Variants in MPO observed in about 807,000 individuals in gnomAD.
The protein encoded by MPO is myeloperoxidase.
MPO carries 57 observed loss-of-function variants against 69.4 expected under a neutral mutation model. The ratio of observed to expected loss-of-function variants is 0.82; its 90% confidence interval spans 0.66 to 1.02. The LOEUF (loss-of-function observed/expected upper bound fraction) is 1.02. MPO is among the 50% of genes least tolerant of loss of function. The pLI is 0.00. For synonymous variants in MPO, 426 were observed against 417.1 expected (o/e 1.02, Z -0.26); for missense variants, 971 against 1,014.1 (o/e 0.96, Z 0.58).
In MPO at chr17:58,273,664, G is replaced by A. The variant is rs747630094; in HGVS notation, c.1371C>T (p.Ile457=). The change falls in exon 9 of 12, where the codon ATC becomes ATT. Residue 457 remains isoleucine, a synonymous_variant. Transcript: ENST00000225275. ...CCAGGGGCAGGTAGTCCCGGTAAGT[G>A]ATGATCTAAAGACAAGTCATTTGGA... The part of the protein sequence containing the change: ...RKIVGAMVQI[I]TYRDYLPLVL... 2 of 1,614,188 alleles carry A rather than the reference G, an allele frequency of 1.2e-6. No individual in the cohort carries two copies. The highest frequency in any genetic ancestry group is 1.7e-6 in the Non-Finnish European group (2 of 1,180,032).
intron 9 of MPO, 105 bp from the exon 10 acceptor site, chr17:58,273,023 G>C (rs1243267083): frequency 1.4e-6 from 2 of 1,429,514 alleles, no homozygotes; most frequent in Non-Finnish European, 1.9e-6. Flanking sequence ...TTCGAGAAGA[G>C]GGCTGGGCAC....
Position 58,279,567 on chromosome 17 carries a change from C to A in MPO, c.504G>T (p.Pro168=). Residue 168 remains proline (P), a synonymous_variant, in exon 4 of 12, where the codon CCG becomes CCT. Transcript: ENST00000225275. ...CAYQDVGVTC[P]EQDKYRTITG... ...TGATGGTGCGGTATTTGTCCTGCTC[C>A]GGGCAAGTCACCCCCACGTCCTGGT... The A allele has an allele frequency of 6.2e-7, 1 of 1,614,166 alleles. No homozygotes were observed. The highest frequency in any genetic ancestry group is 8.5e-7 in the Non-Finnish European group (1 of 1,180,048).
At chr17:58,278,665 TG>T (rs1389963407) in intron 6 of MPO, among the ~76,000 whole-genome samples, 1 of 152,006 alleles carries the variant, frequency 6.6e-6, no homozygotes, top group Non-Finnish European at 1.5e-5. Context: ...CATGGAGGCT[TG>T]GGGGGCACTG....
intron 2 of MPO, 105 bp from the exon 3 acceptor site, chr17:58,280,119 G>C (rs1416155590): frequency 4.8e-6 from 7 of 1,468,408 alleles, no homozygotes; most frequent in Non-Finnish European, 6.6e-6. Flanking sequence ...CAGGCCCACG[G>C]GTGGGAGGAA....
chr17:58,280,875 T>G lies in MPO; in HGVS notation c.-117A>C. On this transcript the variant is annotated 5_prime_UTR_variant, in exon 1 of 12. Transcript: ENST00000225275. The stretch of plus-strand genomic sequence containing the variant: ...AGGGGCTCACTGCTCTCTTATCCCC[T>G]TGCCAGCTGCTGTCATCCAGCTTCC... 2 of 1,257,952 alleles carry G rather than the reference T, an allele frequency of 1.6e-6. No individual in the cohort carries two copies. Among genetic ancestry groups the G allele is most frequent in the Non-Finnish European group, 2.2e-6 (2 of 901,350 alleles). 77.9% of individuals were successfully genotyped at this position (1,257,952 alleles called of 1,614,324 possible).
At position 58,279,592 on chromosome 17, in the gene MPO, T is replaced by A; in HGVS notation, c.479A>T (p.Tyr160Phe). The A allele has an allele frequency of 6.2e-7, 1 of 1,614,118 alleles. No individual in the cohort carries two copies. The highest frequency in any genetic ancestry group is 8.5e-7 in the Non-Finnish European group (1 of 1,180,020). ...CGGGCAAGTCACCCCCACGTCCTGG[T>A]AGGCGCAGCCGCTTGACTTGGACAA... ...NVLSKSSGCAYQDVGVTCPEQ... is the reference protein window; with the variant it reads ...NVLSKSSGCAFQDVGVTCPEQ... Residue 160 changes from tyrosine to phenylalanine, a missense_variant, in exon 4 of 12, where the codon TAC (tyrosine) becomes TTC (phenylalanine). Transcript: ENST00000225275.
Position 58,275,198 on chromosome 17 carries a change from T to G in MPO, c.1365+344A>C, listed in dbSNP as rs1261892958. Among the ~76,000 whole-genome samples the G allele has an allele frequency of 6.6e-6, 1 of 151,500 alleles. No individual in the cohort carries two copies. Among genetic ancestry groups the G allele is most frequent in the East Asian group, 1.9e-4 (1 of 5,152 alleles). ...TTTAATTTTAAAAAGAAGAGGTGAG[T>G]GGGTAAAGGAGCTAAGAGTGACAGT... On this transcript the variant is annotated intron_variant, in intron 8 of 11. Transcript: ENST00000225275. This position sits in a 1 kb window ranked among gnomAD's most constrained non-coding sequence, Gnocchi z 4.1.
chr17:58,276,421 C>A (rs1247914400), intron 7 of MPO, among the ~76,000 whole-genome samples: 3 of 152,198 alleles, frequency 2.0e-5, no homozygotes, highest in Non-Finnish European at 2.9e-5. Flanking sequence ...AAGCAGATCC[C>A]CCCTGGTTCC....
intron 7 of MPO, among the ~76,000 whole-genome samples, chr17:58,276,333 A>G (rs1040694063): frequency 6.6e-6 from 1 of 152,172 alleles, no homozygotes; most frequent in African/African-American, 2.4e-5. Context: ...CTACATGCCA[A>G]TGGTGCAGCC....
In MPO at chr17:58,270,554, C is replaced by T; in HGVS notation, c.*102G>A. 1.1e-6 allele frequency: 1 copy of T among 947,412 alleles called. No individual in the cohort carries two copies. The highest frequency in any genetic ancestry group is 1.7e-6 in the Non-Finnish European group (1 of 597,516). The allele number at this position is 947,412 out of a possible 1,614,324, so 58.7% of individuals were successfully genotyped here. A position where few individuals can be genotyped will look rare whatever the true frequency, so the allele number is the denominator to read the frequency against. On this transcript the variant is annotated 3_prime_UTR_variant, in exon 12 of 12. Coordinates refer to ENST00000225275, the MANE Select transcript of MPO (RefSeq NM_000250.2). The surrounding 1 kb of genome is among the most constrained non-coding windows in gnomAD (Gnocchi z 4.1). ...GTCTAGTCACTCATTTTCTCAGCTGCACCCAGAACAGGGCTGGGCTCATCT... is the reference window on the plus strand; with the variant it reads ...GTCTAGTCACTCATTTTCTCAGCTGTACCCAGAACAGGGCTGGGCTCATCT...
chr17:58,272,741 C>T lies in MPO; in HGVS notation c.1792+7G>A. On this transcript the variant is annotated splice_region_variant and intron_variant, in intron 10 of 11. Coordinates refer to ENST00000225275, the MANE Select transcript of MPO (RefSeq NM_000250.2). ...GAGCATCAGGGGAGACTCCTGCAGCCCCTCACCTGGGAGGCCGTGGTCCCT... is the reference window on the plus strand; with the variant it reads ...GAGCATCAGGGGAGACTCCTGCAGCTCCTCACCTGGGAGGCCGTGGTCCCT... 4 of 1,613,052 alleles carry T rather than the reference C, an allele frequency of 2.5e-6. 1 individual carries two copies. Among genetic ancestry groups the T allele is most frequent in the Non-Finnish European group, 3.4e-6 (4 of 1,179,654 alleles).
intron 8 of MPO, chr17:58,274,211 G>A: frequency 4.0e-6 from 2 of 495,944 alleles, no homozygotes; most frequent in Non-Finnish European, 8.1e-6. Context: ...TGTGAAAAGT[G>A]AAGACATGGA....
At position 58,272,667 on chromosome 17, in the gene MPO, G is replaced by A. The variant is rs188985594; in HGVS notation, c.1792+81C>T. 2.4e-4 allele frequency: 360 copies of A among 1,515,542 alleles called. 4 individuals carry two copies. In the African/African-American group the frequency reaches 4.5e-3, roughly 19 times the overall value. 93.9% of individuals were successfully genotyped at this position (1,515,542 alleles called of 1,614,324 possible). Reference sequence around the variant, plus strand: ...TGCTTTGGAGAGGGCAGGGACCCTAGAGTGGGAAGGGGGGTGATGGGCTAC... The same window carrying A: ...TGCTTTGGAGAGGGCAGGGACCCTAAAGTGGGAAGGGGGGTGATGGGCTAC... On this transcript the variant is annotated intron_variant, in intron 10 of 11. Coordinates refer to ENST00000225275, the MANE Select transcript of MPO (RefSeq NM_000250.2).
chr17:58,280,505 C>G lies in MPO; in HGVS notation c.155-46G>C, dbSNP rs759064502. ...AAAGTCAGGAATGGGCCCCAACCCC[C>G]TATCAGGCCCCAGAGCTAGGAAGGC... On this transcript the variant is annotated intron_variant, in intron 1 of 11. Transcript: ENST00000225275. The G allele has an allele frequency of 1.2e-5, 20 of 1,613,046 alleles. No homozygotes were observed. The East Asian group carries it at 1.3e-4, about 11-fold the overall frequency.
chr17:58,270,122 C>G lies in MPO; in HGVS notation c.*534G>C, dbSNP rs1970348378. ...CAGGACACAGATGGCATCTTGGTATCTCTTTCTTGCCTCTATATGCTTCTC... is the reference window on the plus strand; with the variant it reads ...CAGGACACAGATGGCATCTTGGTATGTCTTTCTTGCCTCTATATGCTTCTC... On this transcript the variant is annotated 3_prime_UTR_variant, in exon 12 of 12. Transcript: ENST00000225275. The surrounding 1 kb of genome is among the most constrained non-coding windows in gnomAD (Gnocchi z 4.1). 5.3e-6 allele frequency: 1 copy of G among 187,700 alleles called. No individual in the cohort carries two copies. Among genetic ancestry groups the G allele is most frequent in the African/African-American group, 2.3e-5 (1 of 42,692 alleles). 11.6% of individuals were successfully genotyped at this position (187,700 alleles called of 1,614,324 possible).
Position 58,277,690 on chromosome 17 carries a change from A to G in MPO, c.1204+137T>C. On this transcript the variant is annotated intron_variant, in intron 7 of 11. Transcript: ENST00000225275. ...TTGTTACCAAGGCAACTGGATTAAT[A>G]TCATGAAGTTGATAGTAATGGCTGG... 4 of 1,261,304 alleles carry G rather than the reference A, an allele frequency of 3.2e-6. No individual in the cohort carries two copies. The Admixed American group carries it at 7.8e-5, about 24-fold the overall frequency. 78.1% of individuals were successfully genotyped at this position (1,261,304 alleles called of 1,614,324 possible). A position where few individuals can be genotyped will look rare whatever the true frequency, so the allele number is the denominator to read the frequency against.
chr17:58,272,817 G>C lies in MPO; in HGVS notation c.1723C>G (p.Gln575Glu), dbSNP rs754871401. The C allele has an allele frequency of 1.9e-6, 3 of 1,614,198 alleles. No homozygotes were observed. The highest frequency in any genetic ancestry group is 2.5e-6 in the Non-Finnish European group (3 of 1,180,050). Residue 575 changes from glutamine to glutamate, a missense_variant, in exon 10 of 12, where the codon CAG (glutamine) becomes GAG (glutamate). Transcript: ENST00000225275. Reference protein sequence around the residue: ...VDEIRERLFEQVMRIGLDLPA... With the variant: ...VDEIRERLFEEVMRIGLDLPA... ...AGGTCCAGCCCAATCCTCATGACCTGCTCAAACAATCGCTCCCGGATCTCA... is the reference window on the plus strand; with the variant it reads ...AGGTCCAGCCCAATCCTCATGACCTCCTCAAACAATCGCTCCCGGATCTCA...
At position 58,270,586 on chromosome 17, in the gene MPO, A is replaced by C; in HGVS notation, c.*70T>G. On this transcript the variant is annotated 3_prime_UTR_variant, in exon 12 of 12. Transcript: ENST00000225275. The surrounding 1 kb of genome is among the most constrained non-coding windows in gnomAD (Gnocchi z 4.1). ...AACAGGGCTGGGCTCATCTAGGGCA[A>C]GGAGATCTCCGTGGTTCCAACTGGC... 3 of 1,291,484 alleles carry C rather than the reference A, an allele frequency of 2.3e-6. No individual in the cohort carries two copies. The highest frequency in any genetic ancestry group is 2.3e-4 in the Middle Eastern group (1 of 4,362). The allele number at this position is 1,291,484 out of a possible 1,614,324, so 80.0% of individuals were successfully genotyped here.
intron 8 of MPO, chr17:58,274,177 G>C (rs1370817737): frequency 2.0e-6 from 1 of 500,964 alleles, no homozygotes; most frequent in East Asian, 5.6e-5. Flanking sequence ...AAGGAACGAA[G>C]GGCCATTCTG....
Sources: gnomAD v4.1 joint callset for allele counts (sites outside exome capture counted in the v4.1 genomes callset) on GRCh38, gnomAD v4.1.1 for gene constraint, Gnocchi (gnomAD v3.1) non-coding constraint, MANE v1.5 for transcripts, NCBI Gene and HGNC (gene_info 2026-07-23, HGNC 2026-07-21) for gene names.